Variants in ATP8B1 observed in about 807,000 individuals in gnomAD.
The protein encoded by ATP8B1 is ATPase phospholipid transporting 8B1.
A neutral mutation model predicts 149.9 loss-of-function variants in ATP8B1; 80 were observed. The ratio of observed to expected loss-of-function variants is 0.53; its 90% CI spans 0.45 to 0.64. The LOEUF (loss-of-function observed/expected upper bound fraction) is 0.64. ATP8B1 is among the 30% of genes least tolerant of loss of function. The probability of loss-of-function intolerance (pLI) is 0.00; values close to 1 mark genes in which losing one functional copy is unlikely to be tolerated. For missense variants in ATP8B1, 1,247 were observed against 1,552.6 expected (o/e 0.80, Z 3.31); for synonymous variants, 536 against 562.8 (o/e 0.95, Z 0.67).
chr18:57,726,949 G>A (rs1386725565), intron 2 of ATP8B1, among the ~76,000 whole-genome samples: 2 of 152,068 alleles, frequency 1.3e-5, no homozygotes, highest in Non-Finnish European at 2.9e-5. Flanking sequence ...GCGTGATGGC[G>A]GGCGCCGGTA....
intron 1 of ATP8B1, among the ~76,000 whole-genome samples, chr18:57,785,127 G>C (rs2080393992): frequency 1.3e-5 from 2 of 152,172 alleles, no homozygotes; most frequent in Admixed American, 1.3e-4. Context: ...GGTGGATGCT[G>C]CCTCATCGAA....
At chr18:57,742,244 A>C (rs1001981166) in intron 1 of ATP8B1, among the ~76,000 whole-genome samples, 3 of 152,334 alleles carry the variant, frequency 2.0e-5, no homozygotes, top group African/African-American at 4.8e-5. Context: ...TCATGAAGCA[A>C]TAGTAATAAA....
At chr18:57,687,348 TG>T (rs1220792527) in intron 13 of ATP8B1, among the ~76,000 whole-genome samples, 2 of 152,258 alleles carry the variant, frequency 1.3e-5, no homozygotes, top group African/African-American at 4.8e-5. Flanking sequence ...TTTGTCCTTT[TG>T]TGACTGGCTT....
chr18:57,702,857 CAAA>C (rs34058171), intron 4 of ATP8B1, among the ~76,000 whole-genome samples: 24 of 125,080 alleles, frequency 1.9e-4, no homozygotes, highest in Non-Finnish European at 1.4e-4. Context: ...AACTCCATCT[CAAA>C]AAAAAAAAAA....
intron 22 of ATP8B1, among the ~76,000 whole-genome samples, chr18:57,656,201 G>A (rs1286835705): frequency 6.6e-6 from 1 of 152,014 alleles, no homozygotes. Flanking sequence ...CTAGTCCCCT[G>A]TATGAATCTT....
chr18:57,669,870 C>A (rs748381883), intron 17 of ATP8B1, among the ~76,000 whole-genome samples: 1 of 152,188 alleles, frequency 6.6e-6, no homozygotes, highest in East Asian at 1.9e-4. Context: ...CTTGAACTCA[C>A]GAGCTCATGT....
At chr18:57,729,050 G>A (rs980711834) in intron 2 of ATP8B1, among the ~76,000 whole-genome samples, 4 of 151,804 alleles carry the variant, frequency 2.6e-5, no homozygotes, top group Admixed American at 1.3e-4. Context: ...CCCATATACC[G>A]AGGGTAGAAA....
At chr18:57,650,554 A>T (rs747776262) in intron 26 of ATP8B1, 57 bp from the exon 27 acceptor site, 127 of 1,588,794 alleles carry the variant, frequency 8.0e-5, no homozygotes, top group Non-Finnish European at 1.0e-4. Flanking sequence ...GAACATAGTT[A>T]ATATTTCGCC....
At chr18:57,665,928 A>T (rs1910828085) in intron 20 of ATP8B1, among the ~76,000 whole-genome samples, 1 of 150,332 alleles carries the variant, frequency 6.7e-6, no homozygotes, top group South Asian at 2.1e-4. Flanking sequence ...AAACTAAATC[A>T]GTTCTAAATG....
rs146710072 is a variant in ATP8B1 at position 57,741,123 on chromosome 18, A to G, written c.-25-9291T>C. On this transcript the variant is annotated intron_variant, in intron 1 of 27. Coordinates refer to ENST00000648908, the MANE Select transcript of ATP8B1 (RefSeq NM_001374385.1). ...GGCTAATTTTTTGTATTTTTAGTAGAGACAGGGTTTCACCATGCTGGCCAG... is the reference window on the plus strand; with the variant it reads ...GGCTAATTTTTTGTATTTTTAGTAGGGACAGGGTTTCACCATGCTGGCCAG... 4.8e-3 allele frequency among the ~76,000 whole-genome samples: 727 copies of G among 152,106 alleles called. 1 individual carries two copies. The highest frequency in any genetic ancestry group is 8.1e-3 in the Non-Finnish European group (548 of 68,002).
chr18:57,671,946 T>C (rs1911238437), intron 16 of ATP8B1, among the ~76,000 whole-genome samples: 1 of 152,208 alleles, frequency 6.6e-6, no homozygotes, highest in Non-Finnish European at 1.5e-5. Flanking sequence ...AATAGAAAAC[T>C]ACATTTATAA....
At chr18:57,674,755 A>G in intron 16 of ATP8B1, 79 bp downstream of exon 16, 2 of 1,508,792 alleles carry the variant, frequency 1.3e-6, no homozygotes, top group Non-Finnish European at 1.8e-6. Flanking sequence ...TGGCTGCTTT[A>G]TCCTGATGCC....
In ATP8B1 at chr18:57,788,677, C is replaced by G. The variant is rs372429763; in HGVS notation, c.-26+14321G>C. On this transcript the variant is annotated intron_variant, in intron 1 of 27. Coordinates refer to ENST00000648908, the MANE Select transcript of ATP8B1 (RefSeq NM_001374385.1). ...CCACCCACTCCCCCAAACCCTGCTT[C>G]CCTTGTGTTTCTCATCTGTCCCATG... Among the ~76,000 whole-genome samples the G allele has an allele frequency of 6.4e-4, 98 of 152,298 alleles. 2 individuals are homozygous for G. The highest frequency in any genetic ancestry group is 2.3e-3 in the African/African-American group (95 of 41,554).
intron 1 of ATP8B1, among the ~76,000 whole-genome samples, chr18:57,765,335 A>C (rs2080200427): frequency 6.6e-6 from 1 of 152,190 alleles, no homozygotes; most frequent in Non-Finnish European, 1.5e-5. Flanking sequence ...TGATGGCTGC[A>C]CAACCATGTG....
chr18:57,677,390 A>C (rs2122767310), intron 15 of ATP8B1, among the ~76,000 whole-genome samples: 1 of 152,330 alleles, frequency 6.6e-6, no homozygotes, highest in Non-Finnish European at 1.5e-5. Flanking sequence ...ATTTTGTCTC[A>C]AAATAGAAGG....
chr18:57,682,389 C>G (rs1912026228), intron 15 of ATP8B1, among the ~76,000 whole-genome samples: 1 of 152,304 alleles, frequency 6.6e-6, no homozygotes, highest in Admixed American at 6.5e-5. Flanking sequence ...ACTGGGCTGA[C>G]TCATCTCTAG....
At chr18:57,796,648 A>T (rs2080518360) in intron 1 of ATP8B1, among the ~76,000 whole-genome samples, 1 of 152,138 alleles carries the variant, frequency 6.6e-6, no homozygotes, top group African/African-American at 2.4e-5. Context: ...AAATATTTAA[A>T]CCACCCAAGC....
chr18:57,788,552 T>C (rs2080431974), intron 1 of ATP8B1, among the ~76,000 whole-genome samples: 1 of 130,920 alleles, frequency 7.6e-6, no homozygotes, highest in Admixed American at 7.2e-5. Context: ...GAGACTCTTA[T>C]CTCAAAAAAA....
rs565109857 is a variant in ATP8B1 at position 57,674,541 on chromosome 18, C to A, written c.1819+293G>T. On this transcript the variant is annotated intron_variant, in intron 16 of 27. Coordinates refer to ENST00000648908, the MANE Select transcript of ATP8B1 (RefSeq NM_001374385.1). ...CTGGGACTACAGGTGCCAGCCACCA[C>A]GCCCGGCTAATTTTTTTTGTATTTT... 6.6e-5 allele frequency among the ~76,000 whole-genome samples: 10 copies of A among 151,984 alleles called. No homozygotes were observed. In the South Asian group the frequency reaches 1.9e-3, roughly 28 times the overall value.
Sources: gnomAD v4.1 joint callset for allele counts (sites outside exome capture counted in the v4.1 genomes callset) on GRCh38, gnomAD v4.1.1 for gene constraint, MANE v1.5 for transcripts, NCBI Gene and HGNC (gene_info 2026-07-23, HGNC 2026-07-21) for gene names.